CSMD3: variants seen among roughly 807,000 people sequenced by gnomAD.
The protein encoded by CSMD3 is CUB and sushi domain-containing protein 3.
In CSMD3, 177 loss-of-function variants were observed where a neutral mutation model predicts 435.2. That is an observed-to-expected ratio of 0.41 (90% CI 0.36 to 0.46). CSMD3 has a LOEUF of 0.46. Ranked by LOEUF, CSMD3 falls within the 20% of genes least tolerant of loss-of-function variation. The probability of loss-of-function intolerance (pLI) is 0.34; values close to 1 mark genes in which losing one functional copy is unlikely to be tolerated. For synonymous variants in CSMD3, 1,656 were observed against 1,520.5 expected, an observed-to-expected ratio of 1.09 and a Z score of -2.07; for missense variants, 4,265 against 4,504.6, an observed-to-expected ratio of 0.95 and a Z score of 1.52.
intron 27 of CSMD3, among the ~76,000 whole-genome samples, chr8:112,522,322 A>G (rs28503647): frequency 1.1e-3 from 168 of 152,042 alleles, no homozygotes; most frequent in Non-Finnish European, 2.0e-3. Flanking sequence ...TATATAAGGA[A>G]TCTCTTTGAA....
At chr8:112,314,357 C>T (rs1450406580) in intron 48 of CSMD3, 72 bp downstream of exon 48, 1 of 1,150,248 alleles carries the variant, frequency 8.7e-7, no homozygotes, top group Non-Finnish European at 1.3e-6. Context: ...TGTTTATACT[C>T]AAAGTTTACA....
At chr8:112,992,250 C>T (rs2085483011) in intron 6 of CSMD3, among the ~76,000 whole-genome samples, 1 of 151,306 alleles carries the variant, frequency 6.6e-6, no homozygotes, top group Admixed American at 6.6e-5. Context: ...TTCGTCCCTC[C>T]CTCTATCTTT....
At chr8:112,235,149 T>C (rs1813449988) in intron 67 of CSMD3, among the ~76,000 whole-genome samples, 1 of 152,124 alleles carries the variant, frequency 6.6e-6, no homozygotes, top group Non-Finnish European at 1.5e-5. Context: ...ACAGATGGTC[T>C]GAATCCAAAA....
intron 13 of CSMD3, among the ~76,000 whole-genome samples, chr8:112,697,602 G>T (rs367747098): frequency 2.0e-5 from 3 of 151,924 alleles, no homozygotes; most frequent in Non-Finnish European, 4.4e-5. Flanking sequence ...GTGGGGGCAG[G>T]GGGGAGGGTT....
At chr8:113,100,666 T>C (rs1322695266) in intron 4 of CSMD3, among the ~76,000 whole-genome samples, 1 of 152,142 alleles carries the variant, frequency 6.6e-6, no homozygotes, top group East Asian at 1.9e-4. Context: ...ATAAAAAGTA[T>C]ATGAAGTAAG....
At chr8:113,021,346 T>G (rs1352818686) in intron 5 of CSMD3, among the ~76,000 whole-genome samples, 3 of 152,218 alleles carry the variant, frequency 2.0e-5, no homozygotes, top group Non-Finnish European at 4.4e-5. Flanking sequence ...ACTATTTGGA[T>G]TTGTTTCAAT....
At chr8:112,494,688 G>T (rs1003166167) in intron 30 of CSMD3, among the ~76,000 whole-genome samples, 4 of 151,904 alleles carry the variant, frequency 2.6e-5, no homozygotes, top group Admixed American at 6.6e-5. Flanking sequence ...GTCTCTTAAA[G>T]AAAGCAATTA....
chr8:113,420,254 C>G (rs1236594591), intron 1 of CSMD3, among the ~76,000 whole-genome samples: 2 of 151,792 alleles, frequency 1.3e-5, no homozygotes, highest in African/African-American at 2.4e-5. Flanking sequence ...TTAGAAATAA[C>G]AAAAAATATA....
At chr8:113,348,160 C>A (rs1380912495) in intron 1 of CSMD3, among the ~76,000 whole-genome samples, 1 of 152,134 alleles carries the variant, frequency 6.6e-6, no homozygotes, top group Non-Finnish European at 1.5e-5. Flanking sequence ...GTTATCTCCA[C>A]TAGAATCTTC....
intron 10 of CSMD3, among the ~76,000 whole-genome samples, chr8:112,884,768 AATT>A (rs2130251688): frequency 6.6e-6 from 1 of 151,906 alleles, no homozygotes; most frequent in African/African-American, 2.4e-5. Flanking sequence ...GTAAAAGAGA[AATT>A]ATGGGAATCA....
intron 10 of CSMD3, among the ~76,000 whole-genome samples, chr8:112,914,761 A>G (rs912065578): frequency 4.0e-5 from 6 of 151,698 alleles, no homozygotes; most frequent in South Asian, 2.1e-4. Flanking sequence ...GCGTGGTACA[A>G]TTATACATTT....
At chr8:112,467,818 A>C (rs928765944) in intron 32 of CSMD3, among the ~76,000 whole-genome samples, 2 of 152,162 alleles carry the variant, frequency 1.3e-5, no homozygotes, top group African/African-American at 4.8e-5. Flanking sequence ...CAGGAACCTC[A>C]AGGCTTGCTG....
At chr8:112,501,084 G>C (rs1821900834) in intron 30 of CSMD3, among the ~76,000 whole-genome samples, 1 of 151,838 alleles carries the variant, frequency 6.6e-6, no homozygotes, top group Admixed American at 6.6e-5. Flanking sequence ...ACGAAACAGA[G>C]AGAGCTGTCC....
intron 67 of CSMD3, among the ~76,000 whole-genome samples, chr8:112,235,287 G>A (rs147786629): frequency 4.0e-4 from 61 of 152,236 alleles, no homozygotes; most frequent in African/African-American, 1.4e-3. Context: ...AGGAGGCTGA[G>A]GTGGGAGGAT....
intron 27 of CSMD3, among the ~76,000 whole-genome samples, chr8:112,520,184 AAT>A (rs903305805): frequency 2.6e-5 from 4 of 152,248 alleles, no homozygotes; most frequent in Admixed American, 2.6e-4. Flanking sequence ...ATTAATTCAG[AAT>A]AGAGACCAAT....
intron 32 of CSMD3, among the ~76,000 whole-genome samples, chr8:112,438,009 G>T (rs1814567949): frequency 6.6e-6 from 1 of 151,926 alleles, no homozygotes; most frequent in African/African-American, 2.4e-5. Context: ...ATTAACCCTC[G>T]AAGGGCAGAA....
chr8:113,322,958 C>G (rs1266265235), intron 1 of CSMD3, among the ~76,000 whole-genome samples: 1 of 152,072 alleles, frequency 6.6e-6, no homozygotes, highest in Non-Finnish European at 1.5e-5. Context: ...GCTGGCCAGG[C>G]TGGTCTCAAA....
chr8:112,289,234 G>T, intron 57 of CSMD3, 131 bp downstream of exon 57: 2 of 815,724 alleles, frequency 2.5e-6, no homozygotes, highest in Non-Finnish European at 2.1e-6. Flanking sequence ...CAGTGTTTCA[G>T]CTTTTCTTAT....
In CSMD3 at chr8:112,341,676, G is replaced by C. The variant is rs1355442224; in HGVS notation, c.6453C>G (p.Leu2151=). 1.9e-6 allele frequency: 3 copies of C among 1,598,526 alleles called. No homozygotes were observed. Among genetic ancestry groups the C allele is most frequent in the Non-Finnish European group, 2.6e-6 (3 of 1,166,288 alleles). ...TTTCTGTAGAAAAATTTACAAACTGGAGATGTACACCTGAAGAAGAAAACA... is the reference window on the plus strand; with the variant it reads ...TTTCTGTAGAAAAATTTACAAACTGCAGATGTACACCTGAAGAAGAAAACA... ...INLPIGFGVH[L]QFVNFSTETI... is the part of the protein sequence containing the mutation. Residue 2151 remains leucine, a synonymous_variant, in exon 42 of 71, where the codon CTC becomes CTG. Transcript: ENST00000297405.
Sources: allele counts gnomAD v4.1 joint callset (sites outside exome capture counted in the v4.1 genomes callset), GRCh38; gene constraint gnomAD v4.1.1; transcripts MANE v1.5; gene names NCBI Gene and HGNC (gene_info 2026-07-23, HGNC 2026-07-21).